ANG: variants seen among roughly 807,000 people sequenced by gnomAD.
ANG encodes angiogenin.
For synonymous variants in ANG, 74 were observed against 73.8 expected (o/e 1.00, Z -0.02); for missense variants, 178 against 187.4 (o/e 0.95, Z 0.29).
intron 1 of ANG, among the ~76,000 whole-genome samples, chr14:20,693,129 G>C (rs1454922713): frequency 6.6e-6 from 1 of 152,188 alleles, no homozygotes; most frequent in Non-Finnish European, 1.5e-5. Context: ...TTACAGGCGT[G>C]AGCCACCGCG....
At chr14:20,690,781 A>T (rs1248923469) in intron 1 of ANG, among the ~76,000 whole-genome samples, 8 of 152,220 alleles carry the variant, frequency 5.3e-5, no homozygotes, top group Non-Finnish European at 1.0e-4. Context: ...TCAATTACTT[A>T]AAAAATATTA....
In ANG at chr14:20,688,890, A is replaced by G. The variant is rs1236289157; in HGVS notation, c.-19+16A>G. On this transcript the variant is annotated intron_variant, in intron 1 of 1. Transcript: ENST00000397990. ...TTCCTCCTGGGTAAACTATTGTTCA[A>G]TTTGTTTTATATATTATTTCTAGCC... is the stretch of plus-strand genomic sequence containing the variant. 1.0e-6 allele frequency: 1 copy of G among 980,106 alleles called. No individual in the cohort carries two copies. Among genetic ancestry groups the G allele is most frequent in the Non-Finnish European group, 1.2e-6 (1 of 825,176 alleles). 60.7% of individuals were successfully genotyped at this position (980,106 alleles called of 1,614,324 possible).
Position 20,692,908 on chromosome 14 carries a change from C to T in ANG, c.-18-639C>T, listed in dbSNP as rs113043546. Among the ~76,000 whole-genome samples, 15 of 152,120 alleles carry T rather than the reference C, an allele frequency of 9.9e-5. 1 individual carries two copies. The highest frequency in any genetic ancestry group is 7.7e-4 in the East Asian group (4 of 5,168). ...TGTCGCCAAGGCTGGAGTGCAGTGGCGCGATCTCGGCTCACTGCAAGCTCC... is the reference window on the plus strand; with the variant it reads ...TGTCGCCAAGGCTGGAGTGCAGTGGTGCGATCTCGGCTCACTGCAAGCTCC... On this transcript the variant is annotated intron_variant, in intron 1 of 1. Coordinates refer to ENST00000397990, the MANE Select transcript of ANG (RefSeq NM_001097577.3).
chr14:20,689,046 G>A (rs1886560746), intron 1 of ANG, among the ~76,000 whole-genome samples, 172 bp downstream of exon 1: 1 of 152,192 alleles, frequency 6.6e-6, no homozygotes, highest in Non-Finnish European at 1.5e-5. Flanking sequence ...TGGCCTATGT[G>A]TGGATAAAGA....
At chr14:20,688,313 G>A (rs1010458), upstream of ANG, among the ~76,000 whole-genome samples, 28,075 of 152,082 alleles carry the variant, frequency 0.18, 2,837 homozygotes, top group East Asian at 0.42. Flanking sequence ...CTTAGCATCC[G>A]TTCATGAAAC....
At chr14:20,692,732 A>G (rs1566601310) in intron 1 of ANG, among the ~76,000 whole-genome samples, 1 of 152,192 alleles carries the variant, frequency 6.6e-6, no homozygotes, top group Non-Finnish European at 1.5e-5. Flanking sequence ...CCACTCCCCT[A>G]AAACTCTCTT....
At chr14:20,693,506 G>A (rs559790840) in intron 1 of ANG, 41 bp from the exon 2 acceptor site, 3 of 1,604,274 alleles carry the variant, frequency 1.9e-6, no homozygotes, top group African/African-American at 1.3e-5. Context: ...ATTTGGTGAT[G>A]CTGTTCTTGG....
At chr14:20,693,023 A>T (rs1286798900) in intron 1 of ANG, among the ~76,000 whole-genome samples, 1 of 151,180 alleles carries the variant, frequency 6.6e-6, no homozygotes, top group Non-Finnish European at 1.5e-5. Flanking sequence ...AATTTTTTGT[A>T]TTTTTAGTAG....
At chr14:20,689,360 A>C (rs1886584631) in intron 1 of ANG, among the ~76,000 whole-genome samples, 1 of 152,228 alleles carries the variant, frequency 6.6e-6, no homozygotes, top group Non-Finnish European at 1.5e-5. Context: ...GGGAAGAAGG[A>C]AGGAAAAGCA....
upstream of ANG, among the ~76,000 whole-genome samples, chr14:20,686,917 C>T (rs1489068964): frequency 6.6e-6 from 1 of 152,126 alleles, no homozygotes; most frequent in Admixed American, 6.5e-5. Context: ...GAGGAAAGTG[C>T]TCTAACACTA....
chr14:20,690,242 A>T (rs1022796744), intron 1 of ANG, among the ~76,000 whole-genome samples: 4 of 150,148 alleles, frequency 2.7e-5, no homozygotes, highest in Non-Finnish European at 5.9e-5. Flanking sequence ...AAAAAAAAAA[A>T]AAAAAAGAAA....
chr14:20,688,674 C>A, upstream of ANG: 1 of 985,170 alleles, frequency 1.0e-6, no homozygotes, highest in Non-Finnish European at 1.2e-6. Flanking sequence ...GAATGACCCT[C>A]CTCGTTTGTT....
rs1886944592 is a variant in ANG at position 20,693,752 on chromosome 14, G to A, written c.188G>A (p.Cys63Tyr). ...IMRRRGLTSPCKDINTFIHGN... is the reference protein window; with the variant it reads ...IMRRRGLTSPYKDINTFIHGN... Reference sequence around the variant, plus strand: ...AGGAGACGGGGCCTGACCTCACCCTGCAAAGACATCAACACATTTATTCAT... The same window carrying A: ...AGGAGACGGGGCCTGACCTCACCCTACAAAGACATCAACACATTTATTCAT... The change falls in exon 2 of 2, where the codon TGC (cysteine) becomes TAC (tyrosine). Residue 63 changes from cysteine to tyrosine, a missense_variant. Transcript: ENST00000397990. The A allele has an allele frequency of 1.2e-6, 2 of 1,614,194 alleles. No individual in the cohort carries two copies. Among genetic ancestry groups the A allele is most frequent in the Non-Finnish European group, 1.7e-6 (2 of 1,180,048 alleles).
At chr14:20,693,135 C>G (rs1240274614) in intron 1 of ANG, among the ~76,000 whole-genome samples, 2 of 152,260 alleles carry the variant, frequency 1.3e-5, no homozygotes, top group Non-Finnish European at 2.9e-5. Flanking sequence ...GCGTGAGCCA[C>G]CGCGCCCGGC....
intron 1 of ANG, 199 bp from the exon 2 acceptor site, chr14:20,693,348 G>A (rs1886901869): frequency 4.5e-6 from 3 of 668,010 alleles, no homozygotes; most frequent in South Asian, 3.8e-5. Context: ...GTTGTGCTCA[G>A]GAAACTATTA....
At chr14:20,684,954 T>C (rs757103633), upstream of ANG, among the ~76,000 whole-genome samples, 2 of 152,126 alleles carry the variant, frequency 1.3e-5, no homozygotes, top group Non-Finnish European at 2.9e-5. Context: ...ACATTCCCAC[T>C]CAGGTTTACT....
intron 1 of ANG, among the ~76,000 whole-genome samples, chr14:20,691,664 C>G (rs74809902): frequency 0.016 from 2,394 of 152,274 alleles, 57 homozygotes; most frequent in African/African-American, 0.055. Context: ...AATGTCGGTG[C>G]GGACAAATTT....
intron 1 of ANG, among the ~76,000 whole-genome samples, chr14:20,692,812 G>A (rs962656701): frequency 9.1e-4 from 139 of 152,284 alleles, no homozygotes; most frequent in African/African-American, 3.2e-3. Context: ...CCCCATGGAT[G>A]CCTCATTTCC....
Position 20,692,887 on chromosome 14 carries a change from G to A in ANG, c.-18-660G>A, listed in dbSNP as rs571503657. On this transcript the variant is annotated intron_variant, in intron 1 of 1. Coordinates refer to ENST00000397990, the MANE Select transcript of ANG (RefSeq NM_001097577.3). Reference sequence around the variant, plus strand: ...TTCCGAGACGGAGTCTCGCTCTGTCGCCAAGGCTGGAGTGCAGTGGCGCGA... The same window carrying A: ...TTCCGAGACGGAGTCTCGCTCTGTCACCAAGGCTGGAGTGCAGTGGCGCGA... Among the ~76,000 whole-genome samples, 1,218 of 151,864 alleles carry A rather than the reference G, an allele frequency of 8.0e-3. 18 individuals carry two copies. The highest frequency in any genetic ancestry group is 0.028 in the African/African-American group (1,139 of 41,366).
Sources: allele counts gnomAD v4.1 joint callset (sites outside exome capture counted in the v4.1 genomes callset), GRCh38; gene constraint gnomAD v4.1.1; transcripts MANE v1.5; gene names NCBI Gene and HGNC (gene_info 2026-07-23, HGNC 2026-07-21).